Variants in SMG7 observed in about 807,000 individuals in gnomAD.
The protein encoded by SMG7 is SMG7 nonsense mediated mRNA decay factor, also known as nonsense-mediated mRNA decay factor SMG7.
A neutral mutation model predicts 148.2 loss-of-function variants in SMG7; 34 were observed. The ratio of observed to expected loss-of-function variants is 0.23; its 90% CI spans 0.17 to 0.31. SMG7 has a LOEUF of 0.31. SMG7 is among the 10% of genes least tolerant of loss of function. The pLI is 1.00. For synonymous variants in SMG7, 492 were observed against 515.1 expected (o/e 0.96, Z 0.61); for missense variants, 1,114 against 1,408.4 (o/e 0.79, Z 3.35).
intron 13 of SMG7, 21 bp from the exon 14 acceptor site, chr1:183,542,055 G>T (rs1385507685): frequency 6.3e-7 from 1 of 1,577,460 alleles, no homozygotes; most frequent in Admixed American, 1.9e-5. Context: ...TTTATATATG[G>T]ATTTATTTTT....
chr1:183,547,523 T>C (rs986161395), intron 18 of SMG7, among the ~76,000 whole-genome samples: 3 of 152,200 alleles, frequency 2.0e-5, no homozygotes, highest in Admixed American at 6.5e-5. Flanking sequence ...ACACACACGA[T>C]GTGATGGTGA....
At chr1:183,476,101 TA>T (rs1161129770) in intron 1 of SMG7, among the ~76,000 whole-genome samples, 1 of 152,196 alleles carries the variant, frequency 6.6e-6, no homozygotes, top group African/African-American at 2.4e-5. Context: ...CCTCCTCTTT[TA>T]GATAATCATT....
chr1:183,477,724 GTA>G (rs1330432412), intron 1 of SMG7, among the ~76,000 whole-genome samples: 1 of 149,844 alleles, frequency 6.7e-6, no homozygotes, highest in Non-Finnish European at 1.5e-5. Flanking sequence ...GTGTGCATGT[GTA>G]TATATGCATA....
chr1:183,483,047 A>T (rs927704657), intron 1 of SMG7, among the ~76,000 whole-genome samples: 9 of 152,130 alleles, frequency 5.9e-5, no homozygotes, highest in Admixed American at 1.3e-4. Context: ...AGACCCTTTG[A>T]TGATTAGTGT....
intron 1 of SMG7, among the ~76,000 whole-genome samples, chr1:183,510,147 A>G (rs1183936038): frequency 1.3e-5 from 2 of 152,162 alleles, no homozygotes; most frequent in Non-Finnish European, 2.9e-5. Context: ...TTTAGCTAAC[A>G]TAGGGAAGCA....
In SMG7 at chr1:183,552,027, CT is replaced by C; in HGVS notation, c.*100del. The C allele has an allele frequency of 7.1e-7, 1 of 1,417,918 alleles. No homozygotes were observed. The highest frequency in any genetic ancestry group is 1.6e-5 in the South Asian group (1 of 61,168). 87.8% of individuals were successfully genotyped at this position (1,417,918 alleles called of 1,614,324 possible). A position where few individuals can be genotyped will look rare whatever the true frequency, so the allele number is the denominator to read the frequency against. ...ACAGTCCCCTGCAGGTGGCAGCCCT[CT>C]TTTCTGTTTCTCGCTGTCAAGAGGG... On this transcript the variant is annotated 3_prime_UTR_variant, in exon 23 of 23. Transcript: ENST00000688051.
At position 183,552,347 on chromosome 1, in the gene SMG7, T is replaced by G. The variant is rs1014305391; in HGVS notation, c.*416T>G. On this transcript the variant is annotated 3_prime_UTR_variant, in exon 23 of 23. Coordinates refer to ENST00000688051, the MANE Select transcript of SMG7 (RefSeq NM_001375584.1). The stretch of plus-strand genomic sequence containing the variant: ...AATAAAATAGGAATCCATTAATGAT[T>G]GCTTTGCTGACTGAGAATGTAGTTG... 186 of 993,768 alleles carry G rather than the reference T, an allele frequency of 1.9e-4. No homozygotes were observed. The highest frequency in any genetic ancestry group is 2.2e-4 in the Non-Finnish European group (181 of 835,498). 61.6% of individuals were successfully genotyped at this position (993,768 alleles called of 1,614,324 possible). A position where few individuals can be genotyped will look rare whatever the true frequency, so the allele number is the denominator to read the frequency against.
Position 183,516,066 on chromosome 1 carries a change from G to T in SMG7, c.179+75G>T, listed in dbSNP as rs915346089. ...CCGAGACTTTAAAACAGTTTGGTTC[G>T]TTATTTATTTTTCAACCTGTTGCAG... On this transcript the variant is annotated intron_variant, in intron 3 of 22. Transcript: ENST00000688051. 1.0e-5 allele frequency: 9 copies of T among 896,678 alleles called. No individual in the cohort carries two copies. The East Asian group carries it at 1.0e-4, about 10-fold the overall frequency. The allele number at this position is 896,678 out of a possible 1,614,324, so 55.5% of individuals were successfully genotyped here. A position where few individuals can be genotyped will look rare whatever the true frequency, so the allele number is the denominator to read the frequency against.
intron 1 of SMG7, among the ~76,000 whole-genome samples, chr1:183,491,055 G>A (rs576440985): frequency 6.6e-6 from 1 of 152,338 alleles, no homozygotes; most frequent in Non-Finnish European, 1.5e-5. Flanking sequence ...GGCGTGAGCT[G>A]CCATGCCTGG....
At position 183,553,872 on chromosome 1, in the gene SMG7, T is replaced by C. The variant is rs1168981691; in HGVS notation, c.*1941T>C. The C allele has an allele frequency of 6.5e-6, 1 of 152,680 alleles. No individual in the cohort carries two copies. The highest frequency in any genetic ancestry group is 2.4e-5 in the African/African-American group (1 of 41,434). The allele number at this position is 152,680 out of a possible 1,614,324, so 9.5% of individuals were successfully genotyped here. On this transcript the variant is annotated 3_prime_UTR_variant, in exon 23 of 23. Transcript: ENST00000688051. ...CCAGTGTTTGAACTGTCACTGATTC[T>C]TGCGCCCTAGACAAGCTAACCAGGT...
intron 1 of SMG7, among the ~76,000 whole-genome samples, chr1:183,480,295 T>G (rs1170726183): frequency 6.6e-6 from 1 of 152,190 alleles, no homozygotes; most frequent in Non-Finnish European, 1.5e-5. Context: ...CTTTTCAAGT[T>G]CTGTCCTTCT....
At chr1:183,498,947 G>C (rs953397618) in intron 1 of SMG7, among the ~76,000 whole-genome samples, 3 of 152,134 alleles carry the variant, frequency 2.0e-5, no homozygotes, top group Admixed American at 1.3e-4. Flanking sequence ...GGCAACCACT[G>C]ATCTTTTTAC....
Position 183,545,215 on chromosome 1 carries a change from A to G in SMG7, c.2273A>G (p.Gln758Arg). Residue 758 changes from glutamine (Q) to arginine (R), a missense_variant, in exon 16 of 23, where the codon CAG becomes CGG. Gln to Arg is a conservative substitution (Grantham distance 43). Coordinates refer to ENST00000688051, the MANE Select transcript of SMG7 (RefSeq NM_001375584.1). The stretch of plus-strand genomic sequence containing the variant: ...CAGCCAACAGCACAGTCTACAAGCC[A>G]GCTGCAGGTTCAAGCTCTAACTCAG... Reference protein sequence around the residue: ...PAQPTAQSTSQLQVQALTQQQ... With the variant: ...PAQPTAQSTSRLQVQALTQQQ... 6.2e-7 allele frequency: 1 copy of G among 1,614,110 alleles called. No homozygotes were observed. The highest frequency in any genetic ancestry group is 8.5e-7 in the Non-Finnish European group (1 of 1,180,000).
intron 7 of SMG7, 132 bp downstream of exon 7, chr1:183,529,174 A>G (rs1020397739): frequency 7.0e-6 from 7 of 994,538 alleles, no homozygotes; most frequent in Non-Finnish European, 1.0e-5. Context: ...GATTTTTCAT[A>G]ATTTGTGTAT....
rs1490563313 is a variant in SMG7 at position 183,546,133 on chromosome 1, A to G, written c.2538A>G (p.Glu846=). Residue 846 remains glutamate (E), a synonymous_variant, in exon 17 of 23, where the codon GAA becomes GAG. Coordinates refer to ENST00000688051, the MANE Select transcript of SMG7 (RefSeq NM_001375584.1). ...CTGTAATGCAGCAGCAGCCTCTAGA[A>G]AAAAAAATGAAGCCTTTTCCCATGG... is the stretch of plus-strand genomic sequence containing the variant. ...QPPVMQQQPL[E]KKMKPFPMEP... is the part of the protein sequence containing the mutation. 6.2e-7 allele frequency: 1 copy of G among 1,613,844 alleles called. No homozygotes were observed. The highest frequency in any genetic ancestry group is 2.2e-5 in the East Asian group (1 of 44,872).
At chr1:183,481,413 G>C (rs1419603788) in intron 1 of SMG7, among the ~76,000 whole-genome samples, 1 of 151,984 alleles carries the variant, frequency 6.6e-6, no homozygotes, top group African/African-American at 2.4e-5. Context: ...TAGTCATTTG[G>C]TACTTGTAAT....
intron 2 of SMG7, chr1:183,513,182 C>A: frequency 4.1e-6 from 1 of 246,766 alleles, no homozygotes; most frequent in Non-Finnish European, 7.5e-6. Context: ...TAACATACCC[C>A]ATATAAACCA....
At chr1:183,537,542 A>G (rs1228755691) in intron 11 of SMG7, among the ~76,000 whole-genome samples, 1 of 152,200 alleles carries the variant, frequency 6.6e-6, no homozygotes, top group African/African-American at 2.4e-5. Flanking sequence ...ATACTTACTC[A>G]TCGTAGAAAA....
chr1:183,541,169 C>A, intron 13 of SMG7, 66 bp downstream of exon 13: 3 of 1,341,100 alleles, frequency 2.2e-6, no homozygotes, highest in African/African-American at 1.5e-5. Context: ...TGCGCGCACA[C>A]GCGCGCGCAC....
Sources: allele counts gnomAD v4.1 joint callset (sites outside exome capture counted in the v4.1 genomes callset), GRCh38; gene constraint gnomAD v4.1.1; transcripts MANE v1.5; gene names NCBI Gene and HGNC (gene_info 2026-07-23, HGNC 2026-07-21).